The following PRKCH variants were observed in gnomAD, a reference collection of about 807,000 sequenced individuals.
The protein encoded by PRKCH is protein kinase C eta type.
PRKCH carries 28 observed loss-of-function variants against 82.5 expected under a neutral mutation model. That is an observed-to-expected ratio of 0.34 (90% CI 0.25 to 0.47). The LOEUF (loss-of-function observed/expected upper bound fraction) is 0.47, where lower values mean the gene tolerates loss of function less well. Ranked by LOEUF, PRKCH falls within the 20% of genes least tolerant of loss-of-function variation. The probability of loss-of-function intolerance (pLI) is 1.00; values close to 1 mark genes in which losing one functional copy is unlikely to be tolerated. For synonymous variants in PRKCH, 322 were observed against 327.4 expected (o/e 0.98, Z 0.18); for missense variants, 705 against 881.8 (o/e 0.80, Z 2.54).
intron 2 of PRKCH, among the ~76,000 whole-genome samples, chr14:61,433,415 G>A (rs1883516243): frequency 6.6e-6 from 1 of 152,124 alleles, no homozygotes; most frequent in African/African-American, 2.4e-5. Flanking sequence ...CTAAAGGGCA[G>A]GATTCTTTTA....
intron 12 of PRKCH, among the ~76,000 whole-genome samples, chr14:61,542,811 C>T (rs1325362901): frequency 1.3e-5 from 2 of 152,190 alleles, no homozygotes; most frequent in African/African-American, 2.4e-5. Context: ...AAGAATTATG[C>T]TGCCACTGTT....
intron 1 of PRKCH, among the ~76,000 whole-genome samples, chr14:61,261,979 TG>T (rs1248555240): frequency 6.6e-6 from 1 of 152,034 alleles, no homozygotes; most frequent in East Asian, 1.9e-4. Context: ...CCTAGCACTT[TG>T]GGAGGCCGAG....
chr14:61,508,557 T>G (rs1887249906), intron 10 of PRKCH, among the ~76,000 whole-genome samples: 1 of 152,160 alleles, frequency 6.6e-6, no homozygotes, highest in Non-Finnish European at 1.5e-5. Flanking sequence ...CTTTTGTATG[T>G]TCTGGTCAGT....
chr14:61,542,363 C>G (rs909966351), intron 12 of PRKCH, among the ~76,000 whole-genome samples: 5 of 84,568 alleles, frequency 5.9e-5, no homozygotes, highest in African/African-American at 1.5e-4. Flanking sequence ...AAAAGGTTTT[C>G]TGTCAGGAAA....
At chr14:61,276,412 G>A (rs1205297330) in intron 1 of PRKCH, among the ~76,000 whole-genome samples, 2 of 151,484 alleles carry the variant, frequency 1.3e-5, no homozygotes, top group Non-Finnish European at 2.9e-5. Context: ...CTGAAGTGCA[G>A]TGGCATGATC....
chr14:61,214,272 C>T (rs1038849218), intron 1 of PRKCH, among the ~76,000 whole-genome samples: 9 of 152,196 alleles, frequency 5.9e-5, no homozygotes, highest in African/African-American at 7.2e-5. Context: ...CCAAACAATG[C>T]GGAGAGTTAG....
At chr14:61,255,868 T>C (rs1349656050) in intron 1 of PRKCH, among the ~76,000 whole-genome samples, 1 of 152,190 alleles carries the variant, frequency 6.6e-6, no homozygotes, top group East Asian at 1.9e-4. Context: ...TGAACATATA[T>C]ACCCTTTCAA....
At chr14:61,210,511 C>A (rs969066745) in intron 1 of PRKCH, among the ~76,000 whole-genome samples, 1 of 152,040 alleles carries the variant, frequency 6.6e-6, no homozygotes, top group Non-Finnish European at 1.5e-5. Flanking sequence ...GCTGATCACT[C>A]CCCTGAAGAT....
intron 1 of PRKCH, among the ~76,000 whole-genome samples, chr14:61,223,545 C>A (rs533235350): frequency 6.6e-6 from 1 of 152,350 alleles, no homozygotes; most frequent in African/African-American, 2.4e-5. Context: ...AACCCCTGCC[C>A]TCCTCCCTGG....
chr14:61,340,160 C>T lies in PRKCH; in HGVS notation c.363+17696C>T, dbSNP rs375434156. On this transcript the variant is annotated intron_variant, in intron 1 of 13. Transcript: ENST00000332981. ...TCCCTGCCCTGTTCATTTTTCTTCC[C>T]GGTGCCCATCCCCAGGAGACTGCGC... Among the ~76,000 whole-genome samples the T allele has an allele frequency of 3.7e-3, 565 of 152,098 alleles. 4 individuals are homozygous for T. Among genetic ancestry groups the T allele is most frequent in the Non-Finnish European group, 5.6e-3 (379 of 67,998 alleles).
At chr14:61,416,998 A>G (rs1394284149) in intron 2 of PRKCH, among the ~76,000 whole-genome samples, 1 of 152,072 alleles carries the variant, frequency 6.6e-6, no homozygotes, top group African/African-American at 2.4e-5. Context: ...GAAAATTGCC[A>G]CCCAACATTG....
chr14:61,393,890 G>A (rs758708175), intron 2 of PRKCH, among the ~76,000 whole-genome samples: 4 of 152,204 alleles, frequency 2.6e-5, no homozygotes, highest in South Asian at 2.1e-4. Flanking sequence ...CCTCCTTCAC[G>A]TGTCAGATTC....
intron 1 of PRKCH, among the ~76,000 whole-genome samples, chr14:61,287,649 T>C (rs1338291272): frequency 1.3e-5 from 2 of 151,884 alleles, no homozygotes; most frequent in Non-Finnish European, 2.9e-5. Context: ...GGTGGAGGTT[T>C]CAGTGAGCTG....
intron 10 of PRKCH, among the ~76,000 whole-genome samples, chr14:61,521,265 A>C (rs993271165): frequency 7.2e-5 from 11 of 152,222 alleles, no homozygotes; most frequent in African/African-American, 2.7e-4. Flanking sequence ...TAACATTTAA[A>C]AATTCTATTA....
chr14:61,462,295 C>T (rs563880694), intron 9 of PRKCH, among the ~76,000 whole-genome samples: 1 of 152,116 alleles, frequency 6.6e-6, no homozygotes, highest in Non-Finnish European at 1.5e-5. Flanking sequence ...GAGGCTGAGA[C>T]AGGAGGATCG....
chr14:61,528,349 A>T (rs995486664), intron 10 of PRKCH, among the ~76,000 whole-genome samples: 1 of 152,040 alleles, frequency 6.6e-6, no homozygotes, highest in Non-Finnish European at 1.5e-5. Context: ...GCATGCCACC[A>T]TGCCCAACTA....
At chr14:61,350,322 G>A (rs1326303733) in intron 1 of PRKCH, among the ~76,000 whole-genome samples, 4 of 152,090 alleles carry the variant, frequency 2.6e-5, no homozygotes, top group Non-Finnish European at 5.9e-5. Context: ...GGCCCCAGAG[G>A]AACACTAGCA....
intron 7 of PRKCH, 113 bp from the exon 8 acceptor site, chr14:61,457,063 C>CA: frequency 1.7e-6 from 2 of 1,162,560 alleles, no homozygotes; most frequent in Non-Finnish European, 2.4e-6. Flanking sequence ...GTTGATCTTT[C>CA]CCCCACGTTA....
At chr14:61,479,980 A>G (rs566991106) in intron 9 of PRKCH, among the ~76,000 whole-genome samples, 53 of 152,292 alleles carry the variant, frequency 3.5e-4, no homozygotes, top group African/African-American at 1.2e-3. Context: ...GACAAAAGAG[A>G]GGAGCAGGGA....
Sources: allele counts gnomAD v4.1 joint callset (sites outside exome capture counted in the v4.1 genomes callset), GRCh38; gene constraint gnomAD v4.1.1; transcripts MANE v1.5; gene names NCBI Gene and HGNC (gene_info 2026-07-23, HGNC 2026-07-21).